The following CDH6 variants were observed in gnomAD, a reference collection of about 807,000 sequenced individuals.
The protein encoded by CDH6 is cadherin 6.
In CDH6, 31 loss-of-function variants were observed where a neutral mutation model predicts 78.0. The observed-to-expected ratio is 0.40, with a 90% confidence interval of 0.30 to 0.54. The LOEUF (loss-of-function observed/expected upper bound fraction) is 0.54, where lower values mean the gene tolerates loss of function less well. Among genes scored for constraint, CDH6 ranks in the 20% least tolerant of loss-of-function variants. The pLI, the probability that CDH6 is intolerant of heterozygous loss-of-function variation, is 0.56. For missense variants in CDH6, 724 were observed against 975.9 expected (o/e 0.74, Z 3.44); for synonymous variants, 376 against 368.8 (o/e 1.02, Z -0.23).
At chr5:31,240,649 TTTTA>T (rs1276689862) in intron 1 of CDH6, among the ~76,000 whole-genome samples, 15 of 152,236 alleles carry the variant, frequency 9.9e-5, no homozygotes, top group African/African-American at 3.6e-4. Context: ...ACACAGCAAT[TTTTA>T]TTTATTCATT....
chr5:31,234,817 C>T (rs1259779078), intron 1 of CDH6, among the ~76,000 whole-genome samples: 1 of 152,108 alleles, frequency 6.6e-6, no homozygotes, highest in Non-Finnish European at 1.5e-5. Context: ...TACATATATA[C>T]ATGCATGCAC....
chr5:31,282,149 A>C (rs1283609935), intron 2 of CDH6, among the ~76,000 whole-genome samples: 3 of 152,190 alleles, frequency 2.0e-5, no homozygotes, highest in Non-Finnish European at 4.4e-5. Context: ...TGCTGTAACA[A>C]GTCACCACAG....
At chr5:31,281,524 G>C (rs1182722905) in intron 2 of CDH6, among the ~76,000 whole-genome samples, 1 of 152,156 alleles carries the variant, frequency 6.6e-6, no homozygotes, top group Non-Finnish European at 1.5e-5. Flanking sequence ...GAAAATGTTA[G>C]ACTAAGCAGG....
At chr5:31,202,005 A>T (rs6882185) in intron 1 of CDH6, among the ~76,000 whole-genome samples, 114,097 of 152,146 alleles carry the variant, frequency 0.75, 42,868 homozygotes, top group Middle Eastern at 0.9. Context: ...CTTGATTACA[A>T]AGCGGATAAT....
intron 2 of CDH6, among the ~76,000 whole-genome samples, chr5:31,281,251 CT>C (rs1041126626): frequency 6.7e-6 from 1 of 148,212 alleles, no homozygotes; most frequent in African/African-American, 2.5e-5. Context: ...TCTCAAATGC[CT>C]GCATTTTATC....
At chr5:31,274,158 G>C (rs534006884) in intron 2 of CDH6, among the ~76,000 whole-genome samples, 1 of 152,288 alleles carries the variant, frequency 6.6e-6, no homozygotes, top group South Asian at 2.1e-4. Flanking sequence ...AATATTTCTA[G>C]AAGTAACTTC....
intron 5 of CDH6, 92 bp downstream of exon 5, chr5:31,299,723 C>T: frequency 2.7e-6 from 3 of 1,117,476 alleles, no homozygotes; most frequent in Non-Finnish European, 4.0e-6. Context: ...TCATTATTGT[C>T]AAAGTTAGTG....
intron 1 of CDH6, among the ~76,000 whole-genome samples, chr5:31,224,137 TG>T (rs1343991536): frequency 1.3e-5 from 2 of 152,226 alleles, no homozygotes; most frequent in Non-Finnish European, 2.9e-5. Flanking sequence ...CAGCTCCATA[TG>T]GCTGGAGAAG....
intron 1 of CDH6, among the ~76,000 whole-genome samples, chr5:31,207,093 G>A (rs1383844923): frequency 1.3e-5 from 2 of 152,090 alleles, no homozygotes; most frequent in Non-Finnish European, 2.9e-5. Context: ...GGATTGAGGT[G>A]ATAGGATTTC....
intron 1 of CDH6, among the ~76,000 whole-genome samples, chr5:31,224,857 T>A (rs1317171339): frequency 6.6e-6 from 1 of 152,226 alleles, no homozygotes; most frequent in African/African-American, 2.4e-5. Flanking sequence ...AATACTCTTT[T>A]TAGCCTTTAT....
intron 11 of CDH6, among the ~76,000 whole-genome samples, chr5:31,321,098 T>C (rs1205975661): frequency 6.6e-6 from 1 of 152,198 alleles, no homozygotes; most frequent in Non-Finnish European, 1.5e-5. Context: ...CTTATCACCT[T>C]CTAACAATTT....
At chr5:31,266,444 AT>A (rs1742356807) in intron 1 of CDH6, among the ~76,000 whole-genome samples, 2 of 152,212 alleles carry the variant, frequency 1.3e-5, no homozygotes, top group African/African-American at 4.8e-5. Context: ...GTTATAACAA[AT>A]GTCATTGTAG....
intron 2 of CDH6, among the ~76,000 whole-genome samples, chr5:31,287,336 CTGAT>C (rs1219253196): frequency 6.6e-6 from 1 of 152,138 alleles, no homozygotes; most frequent in African/African-American, 2.4e-5. Flanking sequence ...ATTTATTTCA[CTGAT>C]TGATAGGAAA....
intron 1 of CDH6, among the ~76,000 whole-genome samples, chr5:31,211,570 G>A (rs1162288452): frequency 1.3e-5 from 2 of 152,084 alleles, no homozygotes; most frequent in Non-Finnish European, 2.9e-5. Context: ...AAAACAGTGT[G>A]AGAAATAATT....
intron 1 of CDH6, among the ~76,000 whole-genome samples, chr5:31,254,540 T>C (rs569588800): frequency 6.6e-6 from 1 of 152,314 alleles, no homozygotes; most frequent in African/African-American, 2.4e-5. Flanking sequence ...GTGGAAGACA[T>C]GAACAGAAAT....
At chr5:31,277,274 A>G (rs543379963) in intron 2 of CDH6, among the ~76,000 whole-genome samples, 9 of 152,240 alleles carry the variant, frequency 5.9e-5, no homozygotes, top group East Asian at 3.9e-4. Context: ...TCATCACTTT[A>G]TGGTACAATT....
rs1738651006 is a variant in CDH6, at chr5:31,327,730, C to T, written c.*4422C>T. On this transcript the variant is annotated 3_prime_UTR_variant, in exon 12 of 12. Transcript: ENST00000265071. ...CTCTTATGGTCACAGCATTTTTAAT[C>T]TCCCTATGGCATCTTTATGGAATAA... The T allele has an allele frequency of 4.8e-6, 1 of 206,358 alleles. No individual in the cohort carries two copies. Among genetic ancestry groups the T allele is most frequent in the Non-Finnish European group, 9.9e-6 (1 of 101,208 alleles). 12.8% of individuals were successfully genotyped at this position (206,358 alleles called of 1,614,324 possible).
rs1247243671 is a variant in CDH6 at position 31,326,262 on chromosome 5, G to C, written c.*2954G>C. ...TCAAGGACATTGAGAGCTTTCTGAT[G>C]ATATGTTTTTGCCCTCTATTCAAAA... On this transcript the variant is annotated 3_prime_UTR_variant, in exon 12 of 12. Transcript: ENST00000265071. The C allele has an allele frequency of 4.5e-6, 1 of 221,064 alleles. No individual in the cohort carries two copies. Among genetic ancestry groups the C allele is most frequent in the Non-Finnish European group, 9.1e-6 (1 of 110,474 alleles). The allele number at this position is 221,064 out of a possible 1,614,324, so 13.7% of individuals were successfully genotyped here.
At chr5:31,268,456 T>C (rs1365035240) in intron 2 of CDH6, among the ~76,000 whole-genome samples, 1 of 152,232 alleles carries the variant, frequency 6.6e-6, no homozygotes, top group African/African-American at 2.4e-5. Context: ...ACAGCTTGGT[T>C]AGCCTGTCAT....
Sources: allele counts gnomAD v4.1 joint callset (sites outside exome capture counted in the v4.1 genomes callset), GRCh38; gene constraint gnomAD v4.1.1; transcripts MANE v1.5; gene names NCBI Gene and HGNC (gene_info 2026-07-23, HGNC 2026-07-21).